KNTC1: variants seen among roughly 807,000 people sequenced by gnomAD.
KNTC1 encodes kinetochore associated 1.
In KNTC1, 253 loss-of-function variants were observed where a neutral mutation model predicts 314.4. The observed-to-expected ratio is 0.80, with a 90% CI of 0.73 to 0.89. The LOEUF (loss-of-function observed/expected upper bound fraction) is 0.89, where lower values mean the gene tolerates loss of function less well. Ranked by LOEUF, KNTC1 falls within the 40% of genes least tolerant of loss-of-function variation. KNTC1 has a pLI of 0.00. For missense variants in KNTC1, 2,475 were observed against 2,572.9 expected, an observed-to-expected ratio of 0.96 and a Z score of 0.82; for synonymous variants, 901 against 901.4, an observed-to-expected ratio of 1.00 and a Z score of 0.01.
At chr12:122,591,748 C>A (rs985255593) in intron 42 of KNTC1, among the ~76,000 whole-genome samples, 1 of 152,008 alleles carries the variant, frequency 6.6e-6, no homozygotes, top group African/African-American at 2.4e-5. Context: ...TCAGGCCTAG[C>A]CTTTAGCCTC....
chr12:122,614,808 G>A (rs1157520350), intron 55 of KNTC1, among the ~76,000 whole-genome samples, 183 bp from the exon 56 acceptor site: 1 of 151,840 alleles, frequency 6.6e-6, no homozygotes, highest in Non-Finnish European at 1.5e-5. Context: ...TTGAACCCAG[G>A]AGGTGGAGGT....
chr12:122,610,945 T>C (rs1015231620), intron 53 of KNTC1, 45 bp downstream of exon 53: 1 of 1,382,394 alleles, frequency 7.2e-7, no homozygotes, highest in South Asian at 1.2e-5. Context: ...GCATCTCAGC[T>C]TAACATTTTT....
intron 10 of KNTC1, 140 bp downstream of exon 10, chr12:122,546,814 A>C (rs1185845190): frequency 2.1e-6 from 1 of 480,528 alleles, no homozygotes; most frequent in Non-Finnish European, 3.6e-6. Context: ...TGTACCAAAA[A>C]GTTGATCCTG....
intron 39 of KNTC1, 29 bp downstream of exon 39, chr12:122,587,903 T>C: frequency 6.3e-7 from 1 of 1,593,788 alleles, no homozygotes; most frequent in Non-Finnish European, 8.6e-7. Flanking sequence ...ATACTTTGAC[T>C]TGGGGTGAAT....
Position 122,604,970 on chromosome 12 carries a change from C to A in KNTC1, c.5269C>A (p.Leu1757Met), listed in dbSNP as rs373134120. 7.1e-5 allele frequency: 115 copies of A among 1,612,512 alleles called. No homozygotes were observed. The highest frequency in any genetic ancestry group is 8.4e-5 in the Admixed American group (5 of 59,802). ...GTEAVLIAHK[L>M]NTEEYLRVIG... ...AGAAGCTGTGCTCATAGCCCACAAG[C>A]TGAACACTGAGGAATATTTAAGAGT... Residue 1757 changes from leucine (L) to methionine (M), a missense_variant, in exon 50 of 64, where the codon CTG (leucine) becomes ATG (methionine). Coordinates refer to ENST00000333479, the MANE Select transcript of KNTC1 (RefSeq NM_014708.6).
Position 122,602,745 on chromosome 12 carries a change from G to A in KNTC1, c.4825+5G>A. 1 of 1,613,268 alleles carries A rather than the reference G, an allele frequency of 6.2e-7. No individual in the cohort carries two copies. Among genetic ancestry groups the A allele is most frequent in the Non-Finnish European group, 8.5e-7 (1 of 1,179,550 alleles). ...AGAACTTCTGGAAAATTCTCTGTATGTGTTCATTAACTTTTTATGAATTTT... is the reference window on the plus strand; with the variant it reads ...AGAACTTCTGGAAAATTCTCTGTATATGTTCATTAACTTTTTATGAATTTT... On this transcript the variant is annotated splice_donor_5th_base_variant and intron_variant, in intron 46 of 63. Transcript: ENST00000333479.
chr12:122,544,190 C>A lies in KNTC1; in HGVS notation c.590C>A (p.Ser197Tyr). 6.3e-7 allele frequency: 1 copy of A among 1,575,262 alleles called. No individual in the cohort carries two copies. Among genetic ancestry groups the A allele is most frequent in the Non-Finnish European group, 8.6e-7 (1 of 1,164,522 alleles). Residue 197 changes from serine (S) to tyrosine (Y), a missense_variant, in exon 8 of 64, where the codon TCT (serine) becomes TAT (tyrosine). Ser to Tyr is a moderately radical substitution (Grantham distance 144). Transcript: ENST00000333479. ...GGACAAATCAAGTCCAGTTTTATTT[C>A]TACTGAAAATTATCATACTCTTGGT... ...LQGQIKSSFI[S>Y]TENYHTLGCL...
At chr12:122,549,935 A>T in intron 13 of KNTC1, 71 bp downstream of exon 13, 2 of 808,878 alleles carry the variant, frequency 2.5e-6, no homozygotes, top group Non-Finnish European at 4.0e-6. Context: ...ATCAGGGATG[A>T]TTAAAAGCCT....
intron 8 of KNTC1, among the ~76,000 whole-genome samples, chr12:122,545,241 A>G (rs1326879457): frequency 6.6e-6 from 1 of 152,166 alleles, no homozygotes; most frequent in Admixed American, 6.5e-5. Context: ...AAATTTATAT[A>G]TTAAGAAGTA....
At chr12:122,561,020 A>G (rs1373535660) in intron 18 of KNTC1, among the ~76,000 whole-genome samples, 1 of 152,192 alleles carries the variant, frequency 6.6e-6, no homozygotes, top group African/African-American at 2.4e-5. Flanking sequence ...TTTTTAAAAA[A>G]TGGATTCTTG....
At chr12:122,569,262 T>C (rs1964536529) in intron 21 of KNTC1, among the ~76,000 whole-genome samples, 1 of 152,256 alleles carries the variant, frequency 6.6e-6, no homozygotes, top group African/African-American at 2.4e-5. Flanking sequence ...ATGTTGCTAC[T>C]GCAGCTCAAA....
At chr12:122,551,023 A>C (rs1215014833) in intron 13 of KNTC1, among the ~76,000 whole-genome samples, 2 of 152,142 alleles carry the variant, frequency 1.3e-5, no homozygotes, top group African/African-American at 4.8e-5. Flanking sequence ...AAATGTGATC[A>C]TTTGGTTAAG....
chr12:122,535,620 G>T (rs1593478046), intron 3 of KNTC1, among the ~76,000 whole-genome samples: 1 of 151,738 alleles, frequency 6.6e-6, no homozygotes, highest in Non-Finnish European at 1.5e-5. Flanking sequence ...TCCAGCCTGG[G>T]TGACAGAGCA....
intron 38 of KNTC1, among the ~76,000 whole-genome samples, chr12:122,587,113 G>A (rs1037033223): frequency 6.6e-6 from 1 of 152,166 alleles, no homozygotes; most frequent in African/African-American, 2.4e-5. Context: ...CACCACGTCT[G>A]GCCTTAAGAT....
intron 1 of KNTC1, 128 bp from the exon 2 acceptor site, chr12:122,529,863 C>T (rs769451762): frequency 2.5e-4 from 110 of 440,896 alleles, no homozygotes; most frequent in Middle Eastern, 6.1e-4. Context: ...GTTATTGGCC[C>T]GAAGTGTTTA....
Position 122,597,893 on chromosome 12 carries a change from G to A in KNTC1, c.4518G>A (p.Thr1506=), listed in dbSNP as rs764898553. Residue 1506 remains threonine (T), a synonymous_variant, in exon 44 of 64, where the codon ACG becomes ACA. Transcript: ENST00000333479. ...AKALEMVPLL[T]STKDLVISLS... ...CCCTTGAGATGGTTCCTTTACTGACGAGCACAAAAGATTTGGTCATCAGTC... is the reference window on the plus strand; with the variant it reads ...CCCTTGAGATGGTTCCTTTACTGACAAGCACAAAAGATTTGGTCATCAGTC... The A allele has an allele frequency of 1.9e-5, 30 of 1,613,824 alleles. No individual in the cohort carries two copies. In the Middle Eastern group the frequency reaches 4.9e-4, roughly 27 times the overall value.
chr12:122,586,654 T>A, intron 37 of KNTC1, 47 bp from the exon 38 acceptor site: 1 of 918,566 alleles, frequency 1.1e-6, no homozygotes, highest in Non-Finnish European at 1.6e-6. Flanking sequence ...GGGCTTTTAG[T>A]GTGGCCATCT....
intron 18 of KNTC1, among the ~76,000 whole-genome samples, chr12:122,558,532 CAG>C (rs1963756410): frequency 6.6e-6 from 1 of 151,458 alleles, no homozygotes; most frequent in Non-Finnish European, 1.5e-5. Flanking sequence ...AGCCTGGCGA[CAG>C]AGCAAGACTC....
chr12:122,619,200 G>A (rs1566022087), intron 59 of KNTC1, among the ~76,000 whole-genome samples: 1 of 149,986 alleles, frequency 6.7e-6, no homozygotes, highest in African/African-American at 2.5e-5. Flanking sequence ...TGGGATTACA[G>A]GCACGTGCCA....
Sources: gnomAD v4.1 joint callset for allele counts (sites outside exome capture counted in the v4.1 genomes callset) on GRCh38, gnomAD v4.1.1 for gene constraint, MANE v1.5 for transcripts, NCBI Gene and HGNC (gene_info 2026-07-23, HGNC 2026-07-21) for gene names.